ANGEL1: variants seen among roughly 807,000 people sequenced by gnomAD.
ANGEL1 encodes the protein angel homolog 1, also known as RNA 2',3'-cyclic phosphatase ANGEL1.
Under a neutral mutation model 76.4 loss-of-function variants are expected in ANGEL1, and 62 were observed. The observed-to-expected ratio is 0.81, with a 90% CI of 0.66 to 1.00. The LOEUF (loss-of-function observed/expected upper bound fraction) is 1.00. ANGEL1 is among the 50% of genes least tolerant of loss of function. ANGEL1 has a pLI of 0.00. For missense variants in ANGEL1, 737 were observed against 836.7 expected, an observed-to-expected ratio of 0.88 and a Z score of 1.47; for synonymous variants, 340 against 331.7, an observed-to-expected ratio of 1.03 and a Z score of -0.27.
chr14:76,812,334 G>A (rs1235330595), intron 1 of ANGEL1: 4 of 1,012,616 alleles, frequency 4.0e-6, no homozygotes, highest in African/African-American at 1.7e-5. Context: ...CCAGTACTTC[G>A]GCCATAAACC....
At chr14:76,803,340 A>C (rs1256098680) in intron 7 of ANGEL1, 31 bp downstream of exon 7, 1 of 1,565,012 alleles carries the variant, frequency 6.4e-7, no homozygotes, top group Non-Finnish European at 8.8e-7. Flanking sequence ...GGAAGAAAGA[A>C]GACCAAGAAA....
intron 1 of ANGEL1, 32 bp downstream of exon 1, chr14:76,812,732 G>T: frequency 6.7e-7 from 1 of 1,500,232 alleles, no homozygotes; most frequent in South Asian, 1.3e-5. Context: ...GCCCTGGCCG[G>T]GCTCCTGTCT....
At position 76,812,853 on chromosome 14, in the gene ANGEL1, C is replaced by A. The variant is rs1895136246; in HGVS notation, c.-26G>T. 2.0e-6 allele frequency: 3 copies of A among 1,498,348 alleles called. No individual in the cohort carries two copies. Among genetic ancestry groups the A allele is most frequent in the Admixed American group, 4.2e-5 (2 of 47,796 alleles). 92.8% of individuals were successfully genotyped at this position (1,498,348 alleles called of 1,614,324 possible). ...GGCCGGCCGCCCGCGCCCGCCTCCG[C>A]TCCTCACTGCAGCCAGCAGGTCCTC... On this transcript the variant is annotated 5_prime_UTR_variant, in exon 1 of 10. Transcript: ENST00000251089.
chr14:76,802,002 C>T (rs938640209), intron 7 of ANGEL1, among the ~76,000 whole-genome samples: 1 of 148,668 alleles, frequency 6.7e-6, no homozygotes, highest in East Asian at 2.0e-4. Context: ...TACTAAAATA[C>T]AAAAAAAGAA....
intron 7 of ANGEL1, among the ~76,000 whole-genome samples, chr14:76,800,460 G>A (rs1056733065): frequency 2.0e-5 from 3 of 152,284 alleles, no homozygotes; most frequent in East Asian, 3.9e-4. Flanking sequence ...GTTGCTCTGT[G>A]CAAAATGCCA....
At chr14:76,812,719 C>T in intron 1 of ANGEL1, 45 bp downstream of exon 1, 2 of 1,483,688 alleles carry the variant, frequency 1.3e-6, no homozygotes, top group Non-Finnish European at 1.8e-6. Flanking sequence ...CCCGCAGAGG[C>T]GAGCCCTGGC....
chr14:76,807,665 G>A (rs551149250), intron 3 of ANGEL1, among the ~76,000 whole-genome samples, 163 bp from the exon 4 acceptor site: 2 of 152,218 alleles, frequency 1.3e-5, no homozygotes, highest in Non-Finnish European at 2.9e-5. Flanking sequence ...GAAGAGATTA[G>A]AGATGTGCAC....
At chr14:76,790,806 C>T (rs1894383156) in intron 8 of ANGEL1, 32 bp from the exon 9 acceptor site, 3 of 1,531,636 alleles carry the variant, frequency 2.0e-6, no homozygotes, top group South Asian at 1.2e-5. Flanking sequence ...CATTAGTTAA[C>T]AAAAATTACT....
chr14:76,808,287 A>G, intron 2 of ANGEL1, 139 bp from the exon 3 acceptor site: 1 of 705,798 alleles, frequency 1.4e-6, no homozygotes, highest in South Asian at 1.8e-5. Context: ...TCTGTGGGGA[A>G]TTGATTTCTA....
intron 7 of ANGEL1, among the ~76,000 whole-genome samples, chr14:76,795,253 C>T (rs1042664310): frequency 5.9e-5 from 9 of 152,048 alleles, no homozygotes; most frequent in Non-Finnish European, 1.5e-5. Flanking sequence ...CAGAGGATGG[C>T]ACAAGTTTCA....
chr14:76,795,180 G>T (rs558001363), intron 7 of ANGEL1, among the ~76,000 whole-genome samples: 2 of 152,084 alleles, frequency 1.3e-5, no homozygotes, highest in African/African-American at 4.8e-5. Context: ...TCTTAAGAGG[G>T]TTCATTTTAA....
chr14:76,808,120 G>C lies in ANGEL1; in HGVS notation c.678C>G (p.Phe226Leu). The change falls in exon 3 of 10, where the codon TTC becomes TTG. Residue 226 changes from phenylalanine (F) to leucine (L), a missense_variant. By Grantham distance (22) the Phe-to-Leu change is conservative (BLOSUM62 0). Around this residue, in one of 2 missense-constraint regions of ANGEL1, gnomAD observed 441 missense variants for 449.5 expected, o/e 0.98. Transcript: ENST00000251089. ...GGCCCTGAGCATCTGGCTGGGTGGA[G>C]AAATCCTCCCATTCTCGCCACAAAA... ...HEILWREWED[F>L]STQPDAQGLK... is the part of the protein sequence containing the mutation. The C allele has an allele frequency of 6.2e-7, 1 of 1,613,796 alleles. No homozygotes were observed. Among genetic ancestry groups the C allele is most frequent in the East Asian group, 2.2e-5 (1 of 44,890 alleles).
intron 7 of ANGEL1, among the ~76,000 whole-genome samples, chr14:76,796,057 T>C (rs1038895001): frequency 3.3e-5 from 5 of 152,092 alleles, no homozygotes; most frequent in Admixed American, 2.0e-4. Flanking sequence ...TTCATATCTA[T>C]TAATATAACT....
At chr14:76,802,938 G>A (rs959809078) in intron 7 of ANGEL1, among the ~76,000 whole-genome samples, 4 of 152,152 alleles carry the variant, frequency 2.6e-5, no homozygotes, top group African/African-American at 7.2e-5. Flanking sequence ...TGGTTTCAGA[G>A]ACAAGAAGGG....
Position 76,809,306 on chromosome 14 carries a change from C to T in ANGEL1, c.402G>A (p.Glu134=), listed in dbSNP as rs1015249974. The T allele has an allele frequency of 1.9e-6, 3 of 1,614,052 alleles. No individual in the cohort carries two copies. The highest frequency in any genetic ancestry group is 3.3e-5 in the Admixed American group (2 of 60,002). The change falls in exon 2 of 10, where the codon GAG becomes GAA. Residue 134 remains glutamate (E), a synonymous_variant. Coordinates refer to ENST00000251089, the MANE Select transcript of ANGEL1 (RefSeq NM_015305.4). ...CCACCCCCTCCACCTCCAGCAGTGG[C>T]TCCTCTCCTAGCATCTCAGGGAAAG... The part of the protein sequence containing the change: ...DEPFPEMLGE[E]PLLEVEGVEG...
intron 7 of ANGEL1, among the ~76,000 whole-genome samples, chr14:76,798,072 A>G (rs1894636507): frequency 6.6e-6 from 1 of 151,186 alleles, no homozygotes; most frequent in African/African-American, 2.4e-5. Context: ...CACTGAGAAG[A>G]TGATGCTCAT....
chr14:76,793,310 C>T (rs1343556409), intron 7 of ANGEL1, among the ~76,000 whole-genome samples: 3 of 139,340 alleles, frequency 2.2e-5, no homozygotes, highest in Non-Finnish European at 3.1e-5. Flanking sequence ...GAGTCCTTGT[C>T]ACAGAAAGGA....
chr14:76,790,591 C>A lies in ANGEL1; in HGVS notation c.1852+20G>T. ...CCCAGGGACCTGGGGGTGGAGGAAC[C>A]CAGGATCCATCAGGCTTACCAGTTC... On this transcript the variant is annotated intron_variant, in intron 9 of 9. Coordinates refer to ENST00000251089, the MANE Select transcript of ANGEL1 (RefSeq NM_015305.4). 1 of 1,599,600 alleles carries A rather than the reference C, an allele frequency of 6.3e-7. No homozygotes were observed. The highest frequency in any genetic ancestry group is 8.5e-7 in the Non-Finnish European group (1 of 1,169,838).
chr14:76,789,735 T>A (rs956256193), intron 9 of ANGEL1, among the ~76,000 whole-genome samples: 4 of 151,138 alleles, frequency 2.6e-5, no homozygotes, highest in African/African-American at 4.9e-5. Flanking sequence ...TACTTCGTTG[T>A]CCAGGCTGGA....
Sources: allele counts gnomAD v4.1 joint callset (sites outside exome capture counted in the v4.1 genomes callset), GRCh38; gene constraint gnomAD v4.1.1; regional missense constraint gnomAD v4.1.1; transcripts MANE v1.5; gene names NCBI Gene and HGNC (gene_info 2026-07-23, HGNC 2026-07-21).